The following OSBPL11 variants were observed in gnomAD, a reference collection of about 807,000 sequenced individuals.
OSBPL11 encodes the protein oxysterol-binding protein-related protein 11.
Under a neutral mutation model 84.4 loss-of-function variants are expected in OSBPL11, and 33 were observed. That is an observed-to-expected ratio of 0.39 (90% confidence interval 0.30 to 0.52). The LOEUF is 0.52. OSBPL11 is among the 20% of genes least tolerant of loss of function. OSBPL11 has a pLI of 0.72. For synonymous variants in OSBPL11, 276 were observed against 310.2 expected, an observed-to-expected ratio of 0.89 and a Z score of 1.16; for missense variants, 736 against 901.1, an observed-to-expected ratio of 0.82 and a Z score of 2.35.
At chr3:125,592,171 G>T (rs2107615309) in intron 1 of OSBPL11, among the ~76,000 whole-genome samples, 1 of 152,212 alleles carries the variant, frequency 6.6e-6, no homozygotes, top group African/African-American at 2.4e-5. Flanking sequence ...TTCCACCTCA[G>T]CCTCCTGAGT....
chr3:125,532,863 A>G (rs567801527), intron 11 of OSBPL11, among the ~76,000 whole-genome samples: 15 of 151,990 alleles, frequency 9.9e-5, no homozygotes, highest in Non-Finnish European at 1.5e-5. Flanking sequence ...ATAAAAAGCA[A>G]TGAACCACTG....
At chr3:125,534,099 A>T (rs1159951539) in intron 11 of OSBPL11, among the ~76,000 whole-genome samples, 21 of 152,128 alleles carry the variant, frequency 1.4e-4, no homozygotes, top group Admixed American at 1.4e-3. Context: ...AACATTTACC[A>T]AGGCCAGGTG....
At chr3:125,593,772 CAAGCACAAAT>C (rs1438149696) in intron 1 of OSBPL11, among the ~76,000 whole-genome samples, 1 of 152,108 alleles carries the variant, frequency 6.6e-6, no homozygotes, top group African/African-American at 2.4e-5. Flanking sequence ...AAAAATTTCA[CAAGCACAAAT>C]AAGCACAAAG....
intron 6 of OSBPL11, among the ~76,000 whole-genome samples, chr3:125,564,516 C>T (rs1936128016): frequency 6.6e-6 from 1 of 152,146 alleles, no homozygotes; most frequent in African/African-American, 2.4e-5. Context: ...AAAGTGGATT[C>T]TATGCCTAAT....
intron 11 of OSBPL11, among the ~76,000 whole-genome samples, chr3:125,534,468 A>G (rs1394580777): frequency 6.6e-6 from 1 of 152,042 alleles, no homozygotes; most frequent in Non-Finnish European, 1.5e-5. Flanking sequence ...TTAAAATCAT[A>G]CAAAGTATAT....
At chr3:125,588,874 C>T (rs1456111125) in intron 1 of OSBPL11, among the ~76,000 whole-genome samples, 2 of 152,184 alleles carry the variant, frequency 1.3e-5, no homozygotes, top group Admixed American at 1.3e-4. Context: ...CCAAAAAATT[C>T]AACTCGCAGA....
At chr3:125,592,293 C>T (rs955545660) in intron 1 of OSBPL11, among the ~76,000 whole-genome samples, 9 of 152,094 alleles carry the variant, frequency 5.9e-5, no homozygotes, top group Non-Finnish European at 7.3e-5. Flanking sequence ...CCCACCTCAG[C>T]GCCCCAAAGT....
At chr3:125,541,195 T>A (rs1935724510) in intron 10 of OSBPL11, among the ~76,000 whole-genome samples, 1 of 152,220 alleles carries the variant, frequency 6.6e-6, no homozygotes, top group African/African-American at 2.4e-5. Context: ...CACACAGTAA[T>A]GTTATTATTG....
chr3:125,581,665 C>A lies in OSBPL11; in HGVS notation c.233+1245G>T, dbSNP rs868213706. Among the ~76,000 whole-genome samples, 6 of 131,522 alleles carry A rather than the reference C, an allele frequency of 4.6e-5. No homozygotes were observed. The South Asian group carries it at 1.2e-3, about 26-fold the overall frequency. The allele number at this position is 131,522 out of a possible 152,430, so 86.3% of individuals were successfully genotyped here. A position where few individuals can be genotyped will look rare whatever the true frequency, so the allele number is the denominator to read the frequency against. ...GAGCTGAGATTGCACCACTACACTG[C>A]AGCCTAGGTGACAGAGTGAGACTCC... On this transcript the variant is annotated intron_variant, in intron 2 of 12. Transcript: ENST00000296220.
Position 125,581,943 on chromosome 3 carries a change from C to T in OSBPL11, c.233+967G>A, listed in dbSNP as rs377679491. On this transcript the variant is annotated intron_variant, in intron 2 of 12. Transcript: ENST00000296220. ...GAGCTGAGATCATGCCACTATACTCCAGCCTGGGCAACAGAGCAAGACCCT... is the reference window on the plus strand; with the variant it reads ...GAGCTGAGATCATGCCACTATACTCTAGCCTGGGCAACAGAGCAAGACCCT... Among the ~76,000 whole-genome samples, 19 of 151,986 alleles carry T rather than the reference C, an allele frequency of 1.3e-4. 1 individual carries two copies. The highest frequency in any genetic ancestry group is 1.2e-3 in the South Asian group (6 of 4,808).
intron 10 of OSBPL11, among the ~76,000 whole-genome samples, chr3:125,541,820 C>A (rs1332330833): frequency 6.6e-6 from 1 of 152,162 alleles, no homozygotes; most frequent in East Asian, 1.9e-4. Context: ...TGGGTTCAAG[C>A]GATCCTCCCA....
intron 1 of OSBPL11, among the ~76,000 whole-genome samples, chr3:125,583,683 G>A (rs985442728): frequency 4.0e-5 from 6 of 151,584 alleles, no homozygotes; most frequent in African/African-American, 1.5e-4. Context: ...TTGAGCCCAG[G>A]AGTTTGAAAC....
At chr3:125,546,822 G>A (rs540208093) in intron 10 of OSBPL11, among the ~76,000 whole-genome samples, 9 of 152,048 alleles carry the variant, frequency 5.9e-5, no homozygotes, top group African/African-American at 2.2e-4. Flanking sequence ...CCCAGGAGGC[G>A]GCTGCAAGGA....
At chr3:125,589,249 C>T (rs1165182636) in intron 1 of OSBPL11, among the ~76,000 whole-genome samples, 1 of 142,518 alleles carries the variant, frequency 7.0e-6, no homozygotes, top group African/African-American at 2.6e-5. Context: ...GACTGAGGCA[C>T]AAGAATCGCT....
rs752009299 is a variant in OSBPL11 at position 125,529,111 on chromosome 3, T to A, written c.*1404A>T. 2.6e-5 allele frequency: 4 copies of A among 152,654 alleles called. No individual in the cohort carries two copies. Among genetic ancestry groups the A allele is most frequent in the Non-Finnish European group, 2.9e-5 (2 of 68,044 alleles). The allele number at this position is 152,654 out of a possible 1,614,324, so 9.5% of individuals were successfully genotyped here. On this transcript the variant is annotated 3_prime_UTR_variant, in exon 13 of 13. Coordinates refer to ENST00000296220, the MANE Select transcript of OSBPL11 (RefSeq NM_022776.5). ...ACAAAGCTTAAACTTCTTATGATGA[T>A]GCAACAGACACAGCCACCTACAATG...
At chr3:125,546,691 GACCAGCCTGGCCA>G (rs1240519425) in intron 10 of OSBPL11, among the ~76,000 whole-genome samples, 1 of 152,018 alleles carries the variant, frequency 6.6e-6, no homozygotes, top group East Asian at 1.9e-4. Context: ...AGGAGTTTGA[GACCAGCCTGGCCA>G]ACATGGTGAA....
At chr3:125,565,524 G>A (rs1200262291) in intron 6 of OSBPL11, among the ~76,000 whole-genome samples, 1 of 151,948 alleles carries the variant, frequency 6.6e-6, no homozygotes, top group East Asian at 1.9e-4. Context: ...AGATACAAAC[G>A]TATATTTTCC....
At chr3:125,542,537 C>CT (rs1935746601) in intron 10 of OSBPL11, among the ~76,000 whole-genome samples, 1 of 150,154 alleles carries the variant, frequency 6.7e-6, no homozygotes, top group African/African-American at 2.5e-5. Context: ...GAGACGTAGC[C>CT]TCACTTTGCC....
chr3:125,585,560 AGGATATTGACAT>A (rs1322562037), intron 1 of OSBPL11, among the ~76,000 whole-genome samples: 1 of 152,020 alleles, frequency 6.6e-6, no homozygotes, highest in Non-Finnish European at 1.5e-5. Flanking sequence ...CAAAACTATA[AGGATATTGACAT>A]GGTTTATTTG....
Sources: gnomAD v4.1 joint callset for allele counts (sites outside exome capture counted in the v4.1 genomes callset) on GRCh38, gnomAD v4.1.1 for gene constraint, MANE v1.5 for transcripts, NCBI Gene and HGNC (gene_info 2026-07-23, HGNC 2026-07-21) for gene names.